The following ASAP2 variants were observed in gnomAD, a reference collection of about 807,000 sequenced individuals.
The protein encoded by ASAP2 is arf-GAP with SH3 domain, ANK repeat and PH domain-containing protein 2.
ASAP2 carries 45 observed loss-of-function variants against 131.4 expected under a neutral mutation model. That is an observed-to-expected ratio of 0.34 (90% CI 0.27 to 0.44). The LOEUF (loss-of-function observed/expected upper bound fraction) is 0.44, where lower values mean the gene tolerates loss of function less well. ASAP2 is among the 20% of genes least tolerant of loss of function. The pLI is 1.00. For missense variants in ASAP2, 1,011 were observed against 1,297.0 expected (o/e 0.78, Z 3.39); for synonymous variants, 510 against 503.0 (o/e 1.01, Z -0.19).
At chr2:9,212,523 G>A (rs926087373) in intron 1 of ASAP2, among the ~76,000 whole-genome samples, 10 of 152,092 alleles carry the variant, frequency 6.6e-5, no homozygotes, top group South Asian at 2.1e-4. Flanking sequence ...TGGCCAGCTC[G>A]GCGTCTGCGG....
At chr2:9,368,299 G>A (rs1406560464) in intron 15 of ASAP2, 126 bp from the exon 16 acceptor site, 1 of 866,352 alleles carries the variant, frequency 1.2e-6, no homozygotes, top group African/African-American at 1.7e-5. Flanking sequence ...CTTCATTAAA[G>A]GCAAACCACT....
At chr2:9,263,316 C>G (rs972613783) in intron 1 of ASAP2, among the ~76,000 whole-genome samples, 5 of 152,222 alleles carry the variant, frequency 3.3e-5, no homozygotes, top group Non-Finnish European at 7.3e-5. Flanking sequence ...GCCAGGCCCC[C>G]TTGTGCCACT....
intron 16 of ASAP2, among the ~76,000 whole-genome samples, chr2:9,372,012 G>A (rs1362269330): frequency 2.0e-5 from 3 of 152,178 alleles, no homozygotes; most frequent in East Asian, 1.9e-4. Flanking sequence ...GAGTTAAACA[G>A]ACCTGTGCCC....
In ASAP2 at chr2:9,287,297, T is replaced by G. The variant is rs145151047; in HGVS notation, c.199+7908T>G. Among the ~76,000 whole-genome samples the G allele has an allele frequency of 4.6e-5, 7 of 152,376 alleles. No individual in the cohort carries two copies. In the East Asian group the frequency reaches 1.4e-3, roughly 29 times the overall value. Reference sequence around the variant, plus strand: ...TGGTTTTGGTTGATTACAGGGTCAGTGTGAGCCAGTACGTGGCACATGCCC... The same window carrying G: ...TGGTTTTGGTTGATTACAGGGTCAGGGTGAGCCAGTACGTGGCACATGCCC... On this transcript the variant is annotated intron_variant, in intron 2 of 27. Coordinates refer to ENST00000281419, the MANE Select transcript of ASAP2 (RefSeq NM_003887.3).
chr2:9,345,405 A>G (rs1170028411), intron 11 of ASAP2, among the ~76,000 whole-genome samples: 1 of 152,208 alleles, frequency 6.6e-6, no homozygotes, highest in Admixed American at 6.5e-5. Flanking sequence ...AAAGCCGGTC[A>G]GGATAAAGTT....
At chr2:9,374,641 C>T (rs1478770233) in intron 16 of ASAP2, 114 bp from the exon 17 acceptor site, 12 of 1,013,926 alleles carry the variant, frequency 1.2e-5, no homozygotes, top group East Asian at 2.8e-5. Flanking sequence ...TCGGGGCCAG[C>T]GGTGCTTACC....
intron 9 of ASAP2, among the ~76,000 whole-genome samples, chr2:9,338,449 A>C (rs78245345): frequency 2.0e-5 from 3 of 152,138 alleles, no homozygotes; most frequent in African/African-American, 7.2e-5. Flanking sequence ...AAGGTCCACC[A>C]CAGCCATAAT....
chr2:9,277,136 T>C (rs1301688827), intron 1 of ASAP2, among the ~76,000 whole-genome samples: 1 of 152,202 alleles, frequency 6.6e-6, no homozygotes, highest in African/African-American at 2.4e-5. Context: ...GCCCCTCTCC[T>C]GGGATGGGGA....
At chr2:9,332,599 C>T (rs961465795) in intron 7 of ASAP2, among the ~76,000 whole-genome samples, 23 of 152,330 alleles carry the variant, frequency 1.5e-4, no homozygotes, top group East Asian at 5.8e-4. Context: ...CATGCTCACG[C>T]GCTCTCACTC....
chr2:9,304,633 T>G (rs1209873944), intron 3 of ASAP2, among the ~76,000 whole-genome samples: 1 of 149,278 alleles, frequency 6.7e-6, no homozygotes, highest in East Asian at 2.0e-4. Flanking sequence ...TAGTGGAGTA[T>G]AGATATTGGT....
chr2:9,384,210 A>C (rs558782230), intron 20 of ASAP2, among the ~76,000 whole-genome samples: 5 of 152,210 alleles, frequency 3.3e-5, no homozygotes, highest in Non-Finnish European at 4.4e-5. Flanking sequence ...AGTTTTAGGG[A>C]GGGACTATTA....
rs1474980968 is a variant in ASAP2, at chr2:9,379,065, T to TGGGCCCG, written c.1948+9_1948+15dup. On this transcript the variant is annotated splice_region_variant and intron_variant, in intron 19 of 27. Coordinates refer to ENST00000281419, the MANE Select transcript of ASAP2 (RefSeq NM_003887.3). Reference sequence around the variant, plus strand: ...GAAGGCCTCCATCGAGATAGGTGAGTGGGCCCGGGCCCCGGGGGTGGGCTC... The same window carrying TGGGCCCG: ...GAAGGCCTCCATCGAGATAGGTGAGTGGGCCCGGGGCCCGGGCCCCGGGGGTGGGCTC... 2.6e-6 allele frequency: 4 copies of TGGGCCCG among 1,526,954 alleles called. No individual in the cohort carries two copies. The highest frequency in any genetic ancestry group is 3.5e-6 in the Non-Finnish European group (4 of 1,135,086). 94.6% of individuals were successfully genotyped at this position (1,526,954 alleles called of 1,614,324 possible).
rs1572462403 is a variant in ASAP2 at position 9,327,599 on chromosome 2, G to A, written c.601-227G>A. ...GCCAGGATAGACTGTCTTATTATTA[G>A]GAGTTTTTGGCACTTCAATATTTAA... is the stretch of plus-strand genomic sequence containing the variant. On this transcript the variant is annotated intron_variant, in intron 6 of 27. Transcript: ENST00000281419. Among the ~76,000 whole-genome samples, 7 of 152,186 alleles carry A rather than the reference G, an allele frequency of 4.6e-5. No homozygotes were observed. The South Asian group carries it at 1.5e-3, about 32-fold the overall frequency.
chr2:9,347,179 C>A (rs1672025067), intron 11 of ASAP2, among the ~76,000 whole-genome samples: 1 of 152,164 alleles, frequency 6.6e-6, no homozygotes, highest in Non-Finnish European at 1.5e-5. Context: ...AGTAGTTTTC[C>A]AGCCCTCCGT....
intron 1 of ASAP2, among the ~76,000 whole-genome samples, chr2:9,266,916 T>C (rs1190519924): frequency 6.6e-6 from 1 of 152,196 alleles, no homozygotes; most frequent in African/African-American, 2.4e-5. Context: ...GGTTTAGAAA[T>C]GGTACTAAGG....
intron 3 of ASAP2, among the ~76,000 whole-genome samples, chr2:9,317,726 A>G (rs910299665): frequency 1.3e-5 from 2 of 150,040 alleles, no homozygotes; most frequent in African/African-American, 4.9e-5. Flanking sequence ...ACACAATCAC[A>G]TTCACACTCA....
intron 2 of ASAP2, 59 bp downstream of exon 2, chr2:9,279,448 G>A: frequency 6.6e-7 from 1 of 1,514,820 alleles, no homozygotes; most frequent in African/African-American, 1.4e-5. Flanking sequence ...TTGAAGTCCT[G>A]GTACCGTAAT....
chr2:9,334,429 C>G (rs1671064564), intron 7 of ASAP2, among the ~76,000 whole-genome samples: 3 of 152,128 alleles, frequency 2.0e-5, no homozygotes. Context: ...ACTTGCGCCC[C>G]ATGGCCTTTC....
rs763646297 is a variant in ASAP2 at position 9,207,447 on chromosome 2, C to T, written c.126+217C>T. Among the ~76,000 whole-genome samples the T allele has an allele frequency of 6.6e-6, 1 of 152,182 alleles. No individual in the cohort carries two copies. Among genetic ancestry groups the T allele is most frequent in the African/African-American group, 2.4e-5 (1 of 41,462 alleles). ...GGCCTCTTTAAGACCTCCCCTCTCT[C>T]GGCCTCGTGGCCCTCGCGGGGTTCC... On this transcript the variant is annotated intron_variant, in intron 1 of 27. Coordinates refer to ENST00000281419, the MANE Select transcript of ASAP2 (RefSeq NM_003887.3). The surrounding 1 kb of genome is among the most constrained non-coding windows in gnomAD (Gnocchi z 4.1).
Sources: allele counts gnomAD v4.1 joint callset (sites outside exome capture counted in the v4.1 genomes callset), GRCh38; gene constraint gnomAD v4.1.1; non-coding constraint Gnocchi (gnomAD v3.1); transcripts MANE v1.5; gene names NCBI Gene and HGNC (gene_info 2026-07-23, HGNC 2026-07-21).